The following PKD1L1 variants were observed in gnomAD, a reference collection of about 807,000 sequenced individuals.
PKD1L1 encodes polycystin 1 like 1, transient receptor potential channel interacting.
A neutral mutation model predicts 323.4 loss-of-function variants in PKD1L1; 236 were observed. The ratio of observed to expected loss-of-function variants is 0.73; its 90% CI spans 0.66 to 0.81. PKD1L1 has a LOEUF of 0.81. Among genes scored for constraint, PKD1L1 ranks in the 40% least tolerant of loss-of-function variants. The probability of loss-of-function intolerance (pLI) is 0.00; values close to 1 mark genes in which losing one functional copy is unlikely to be tolerated. For synonymous variants in PKD1L1, 1,344 were observed against 1,335.0 expected (o/e 1.01, Z -0.15); for missense variants, 3,320 against 3,508.0 (o/e 0.95, Z 1.35).
intron 54 of PKD1L1, among the ~76,000 whole-genome samples, chr7:47,796,526 G>A (rs1038526087): frequency 5.9e-5 from 9 of 152,292 alleles, no homozygotes; most frequent in Admixed American, 5.9e-4. Context: ...GCCTGTGCCT[G>A]TGCCTGGGAG....
intron 56 of PKD1L1, among the ~76,000 whole-genome samples, chr7:47,787,287 C>A (rs191755583): frequency 1.1e-4 from 17 of 152,144 alleles, no homozygotes; most frequent in African/African-American, 3.9e-4. Flanking sequence ...GTGAGAGAGA[C>A]CCACCCTTGG....
Position 47,834,973 on chromosome 7 carries a change from G to T in PKD1L1, c.6121C>A (p.Pro2041Thr). Residue 2041 changes from proline to threonine, a missense_variant, in exon 39 of 57, where the codon CCC becomes ACC. Pro to Thr is a conservative substitution (Grantham distance 38). Coordinates refer to ENST00000289672, the MANE Select transcript of PKD1L1 (RefSeq NM_138295.5). ...PLRGGAQTEAPHGPNSWGRIP... is the reference protein window; with the variant it reads ...PLRGGAQTEATHGPNSWGRIP... ...AGTTTTAATGTACATTTACCATGGGGTGCCTCGGTCTGTGCTCCTCCTCTA... is the reference window on the plus strand; with the variant it reads ...AGTTTTAATGTACATTTACCATGGGTTGCCTCGGTCTGTGCTCCTCCTCTA... 6.2e-7 allele frequency: 1 copy of T among 1,613,402 alleles called. No individual in the cohort carries two copies.
At chr7:47,953,052 C>G (rs1443823620), upstream of PKD1L1, among the ~76,000 whole-genome samples, 1 of 152,154 alleles carries the variant, frequency 6.6e-6, no homozygotes, top group Non-Finnish European at 1.5e-5. Context: ...TCTGCAAAGT[C>G]ACATGCAGCA....
chr7:47,921,192 A>G (rs1787527902), intron 7 of PKD1L1, among the ~76,000 whole-genome samples: 1 of 150,588 alleles, frequency 6.6e-6, no homozygotes, highest in Admixed American at 6.6e-5. Flanking sequence ...TCAAACAAAT[A>G]ACAATCCCAT....
At chr7:47,914,381 T>C (rs1412743711) in intron 8 of PKD1L1, among the ~76,000 whole-genome samples, 1 of 151,700 alleles carries the variant, frequency 6.6e-6, no homozygotes, top group East Asian at 1.9e-4. Context: ...GCCAAGTCCA[T>C]TGTAGAGAAA....
intron 24 of PKD1L1, among the ~76,000 whole-genome samples, chr7:47,871,201 G>A (rs1162058387): frequency 6.6e-6 from 1 of 152,148 alleles, no homozygotes; most frequent in Non-Finnish European, 1.5e-5. Flanking sequence ...TTCCCAGACT[G>A]TAAGAGTGAT....
rs373399455 is a variant in PKD1L1, at chr7:47,882,187, T to TCG, written c.3266-103_3266-102insCG. On this transcript the variant is annotated intron_variant, in intron 19 of 56. Transcript: ENST00000289672. Reference sequence around the variant, plus strand: ...TGATATTAATAACTATTTGTACTATTGCTGGATACCGCCTATCTAATATAA... The same window carrying TCG: ...TGATATTAATAACTATTTGTACTATTCGGCTGGATACCGCCTATCTAATATAA... 367,489 of 1,191,772 alleles carry TCG rather than the reference T, an allele frequency of 0.31. 60,479 individuals are homozygous for TCG. Among genetic ancestry groups the TCG allele is most frequent in the Admixed American group, 0.41 (16,998 of 41,924 alleles). The allele number at this position is 1,191,772 out of a possible 1,614,324, so 73.8% of individuals were successfully genotyped here.
At chr7:47,797,515 G>A (rs1784569385) in intron 54 of PKD1L1, among the ~76,000 whole-genome samples, 1 of 151,606 alleles carries the variant, frequency 6.6e-6, no homozygotes, top group Non-Finnish European at 1.5e-5. Context: ...GGATTTACCA[G>A]CAACACACCC....
intron 8 of PKD1L1, among the ~76,000 whole-genome samples, chr7:47,909,806 T>C (rs978346137): frequency 3.3e-5 from 5 of 152,084 alleles, no homozygotes; most frequent in African/African-American, 1.2e-4. Flanking sequence ...ACTAGCAGCA[T>C]AATAAGAAGA....
intron 11 of PKD1L1, 75 bp from the exon 12 acceptor site, chr7:47,904,692 T>C: frequency 6.7e-7 from 1 of 1,503,698 alleles, no homozygotes; most frequent in Non-Finnish European, 8.9e-7. Flanking sequence ...AGAAACCGTC[T>C]GCTATACTTT....
chr7:47,815,591 C>A, intron 46 of PKD1L1, 134 bp from the exon 47 acceptor site: 1 of 1,034,140 alleles, frequency 9.7e-7, no homozygotes, highest in Non-Finnish European at 1.4e-6. Flanking sequence ...TAAACTCAAG[C>A]TGCTTGCAGC....
intron 52 of PKD1L1, among the ~76,000 whole-genome samples, chr7:47,805,568 G>A (rs1784759463): frequency 1.3e-5 from 2 of 152,254 alleles, no homozygotes; most frequent in Non-Finnish European, 2.9e-5. Context: ...GGTCTACACT[G>A]CACATTTCTG....
chr7:47,819,583 T>C, intron 46 of PKD1L1: 3 of 1,364,548 alleles, frequency 2.2e-6, no homozygotes, highest in Non-Finnish European at 2.9e-6. Context: ...AAATAACTGC[T>C]GGTTTCACAA....
In PKD1L1 at chr7:47,796,116, C is replaced by CT; in HGVS notation, c.8227dup (p.Arg2743LysfsTer7). On this transcript the variant is annotated frameshift_variant, in exon 55 of 57. Coordinates refer to ENST00000289672, the MANE Select transcript of PKD1L1 (RefSeq NM_138295.5). LOFTEE classifies it high-confidence loss of function. ...AAAAGATTTACTTTGAAAAGATTTT[C>CT]TTTTTTGGGGTAAAGTCATGAGAAA... 3.7e-6 allele frequency: 6 copies of CT among 1,608,728 alleles called. No individual in the cohort carries two copies. The highest frequency in any genetic ancestry group is 5.1e-6 in the Non-Finnish European group (6 of 1,178,056).
At chr7:47,932,130 T>G in intron 4 of PKD1L1, 74 bp from the exon 5 acceptor site, 5 of 1,525,154 alleles carry the variant, frequency 3.3e-6, no homozygotes, top group Non-Finnish European at 4.4e-6. Context: ...CTTATTTGAT[T>G]ACAAATCATG....
intron 51 of PKD1L1, among the ~76,000 whole-genome samples, chr7:47,808,712 G>C (rs113397211): frequency 2.0e-4 from 31 of 152,216 alleles, no homozygotes; most frequent in African/African-American, 7.5e-4. Flanking sequence ...TCTAAGCATC[G>C]AAAAGATACA....
chr7:47,948,501 T>G, upstream of PKD1L1: 1 of 1,533,406 alleles, frequency 6.5e-7, no homozygotes, highest in South Asian at 1.1e-5. Context: ...CTACATCCTC[T>G]GGAAGACAAA....
intron 42 of PKD1L1, 81 bp from the exon 43 acceptor site, chr7:47,830,205 A>T: frequency 8.1e-7 from 1 of 1,227,932 alleles, no homozygotes; most frequent in Non-Finnish European, 1.2e-6. Context: ...AAGCACAGGG[A>T]CACTGCCTGA....
At chr7:47,866,316 G>T in intron 25 of PKD1L1, 103 bp downstream of exon 25, 1 of 1,258,152 alleles carries the variant, frequency 7.9e-7, no homozygotes, top group Non-Finnish European at 1.1e-6. Context: ...TTTCTTGCCT[G>T]TGTTTCATAA....
Sources: gnomAD v4.1 joint callset for allele counts (sites outside exome capture counted in the v4.1 genomes callset) on GRCh38, gnomAD v4.1.1 for gene constraint, MANE v1.5 for transcripts, NCBI Gene and HGNC (gene_info 2026-07-23, HGNC 2026-07-21) for gene names.